Variants in SCFD2 observed in about 807,000 individuals in gnomAD.
SCFD2 encodes sec1 family domain containing 2, also known as sec1 family domain-containing protein 2.
In SCFD2, 54 loss-of-function variants were observed where a neutral mutation model predicts 58.9. The ratio of observed to expected loss-of-function variants is 0.92; its 90% CI spans 0.74 to 1.15. The LOEUF (loss-of-function observed/expected upper bound fraction) is 1.15. Ranked by LOEUF, SCFD2 falls within the 50% of genes most tolerant of loss-of-function variation. The probability of loss-of-function intolerance (pLI) is 0.00; values close to 1 mark genes in which losing one functional copy is unlikely to be tolerated. For synonymous variants in SCFD2, 321 were observed against 335.9 expected (o/e 0.96, Z 0.49); for missense variants, 805 against 836.6 (o/e 0.96, Z 0.47).
chr4:53,018,815 G>C (rs1367730753), intron 5 of SCFD2, among the ~76,000 whole-genome samples: 1 of 152,160 alleles, frequency 6.6e-6, no homozygotes, highest in Admixed American at 6.5e-5. Context: ...ATGCATCAAT[G>C]ATGGTGTGTA....
intron 2 of SCFD2, among the ~76,000 whole-genome samples, chr4:53,351,488 C>T (rs1338190885): frequency 6.6e-6 from 1 of 152,168 alleles, no homozygotes; most frequent in Non-Finnish European, 1.5e-5. Context: ...TAAATCATGA[C>T]TCCCCAACAA....
intron 5 of SCFD2, among the ~76,000 whole-genome samples, chr4:53,109,986 G>C (rs1036827868): frequency 9.3e-5 from 14 of 150,666 alleles, no homozygotes; most frequent in South Asian, 2.1e-4. Flanking sequence ...ATACTACAAG[G>C]CTACAGTAAC....
At chr4:53,230,550 C>T (rs553381475) in intron 4 of SCFD2, among the ~76,000 whole-genome samples, 98 of 144,620 alleles carry the variant, frequency 6.8e-4, no homozygotes, top group Non-Finnish European at 1.1e-3. Context: ...CATGTTCTCA[C>T]TCATAGGTGG....
At chr4:53,233,246 G>A (rs1164882658) in intron 4 of SCFD2, among the ~76,000 whole-genome samples, 4 of 152,160 alleles carry the variant, frequency 2.6e-5, no homozygotes, top group Non-Finnish European at 5.9e-5. Context: ...GCACCACTGG[G>A]GTAGTTGTCA....
At chr4:52,973,350 C>T (rs1408876868) in intron 5 of SCFD2, among the ~76,000 whole-genome samples, 4 of 152,086 alleles carry the variant, frequency 2.6e-5, no homozygotes, top group Non-Finnish European at 5.9e-5. Flanking sequence ...ACTACCGATC[C>T]CATAGAAATA....
chr4:53,178,671 G>A (rs1222413482), intron 4 of SCFD2, among the ~76,000 whole-genome samples: 3 of 152,196 alleles, frequency 2.0e-5, no homozygotes, highest in Non-Finnish European at 4.4e-5. Flanking sequence ...CGAGTTGAGA[G>A]AAGAAGCCTT....
At chr4:53,219,245 C>T (rs1211650284) in intron 4 of SCFD2, among the ~76,000 whole-genome samples, 3 of 152,306 alleles carry the variant, frequency 2.0e-5, no homozygotes, top group African/African-American at 7.2e-5. Flanking sequence ...GTGGAGTCTA[C>T]AGAGGCAGGC....
intron 5 of SCFD2, among the ~76,000 whole-genome samples, chr4:53,067,511 G>C (rs1273373501): frequency 1.3e-5 from 2 of 152,048 alleles, no homozygotes; most frequent in South Asian, 2.1e-4. Flanking sequence ...GTCAAGGGTG[G>C]GACTAGGTGG....
At chr4:52,903,728 A>AT (rs556221680) in intron 7 of SCFD2, among the ~76,000 whole-genome samples, 217 of 152,324 alleles carry the variant, frequency 1.4e-3, no homozygotes, top group African/African-American at 5.0e-3. Flanking sequence ...GGGTTGTGTT[A>AT]TTTTACCTTG....
At chr4:52,898,589 G>C (rs1269524395) in intron 7 of SCFD2, among the ~76,000 whole-genome samples, 2 of 152,174 alleles carry the variant, frequency 1.3e-5, no homozygotes, top group Non-Finnish European at 1.5e-5. Flanking sequence ...GGTCAATTTT[G>C]GAATAGGTGT....
In SCFD2 at chr4:53,192,216, T is replaced by C. The variant is rs370646530; in HGVS notation, c.1312-46634A>G. Reference sequence around the variant, plus strand: ...AGGCACCTGTTTTCAGGTTCACCACTGTCCCCACGACTCCCTATTGTCTTA... The same window carrying C: ...AGGCACCTGTTTTCAGGTTCACCACCGTCCCCACGACTCCCTATTGTCTTA... On this transcript the variant is annotated intron_variant, in intron 4 of 8. Coordinates refer to ENST00000401642, the MANE Select transcript of SCFD2 (RefSeq NM_152540.4). Among the ~76,000 whole-genome samples, 12 of 152,310 alleles carry C rather than the reference T, an allele frequency of 7.9e-5. No homozygotes were observed. The East Asian group carries it at 1.3e-3, about 17-fold the overall frequency.
intron 5 of SCFD2, among the ~76,000 whole-genome samples, chr4:52,966,846 G>A (rs1261710684): frequency 2.0e-5 from 3 of 152,094 alleles, no homozygotes; most frequent in African/African-American, 7.2e-5. Flanking sequence ...TAAAGCTCAT[G>A]TATATAACAT....
At chr4:52,879,563 C>CA (rs1357044515) in intron 8 of SCFD2, among the ~76,000 whole-genome samples, 1 of 152,170 alleles carries the variant, frequency 6.6e-6, no homozygotes, top group African/African-American at 2.4e-5. Context: ...GGGTGGAGGA[C>CA]ATCAGCCAGG....
intron 5 of SCFD2, among the ~76,000 whole-genome samples, chr4:53,011,823 C>A (rs940284040): frequency 2.0e-5 from 3 of 152,082 alleles, no homozygotes; most frequent in African/African-American, 7.2e-5. Flanking sequence ...GAATTTAATT[C>A]CTTGATGCCT....
intron 2 of SCFD2, among the ~76,000 whole-genome samples, chr4:53,340,968 T>C (rs1733851393): frequency 1.3e-5 from 2 of 151,980 alleles, no homozygotes; most frequent in African/African-American, 2.4e-5. Context: ...TACATCACCA[T>C]CATCAAAGAC....
intron 4 of SCFD2, among the ~76,000 whole-genome samples, chr4:53,237,625 C>T (rs1386778551): frequency 1.3e-4 from 15 of 112,550 alleles, no homozygotes; most frequent in Non-Finnish European, 1.5e-4. Flanking sequence ...CCGGACGGGG[C>T]GGCTGGCCGG....
intron 1 of SCFD2, among the ~76,000 whole-genome samples, chr4:53,360,523 G>A (rs562776215): frequency 6.6e-6 from 1 of 152,308 alleles, no homozygotes; most frequent in African/African-American, 2.4e-5. Flanking sequence ...CCAGTAGATA[G>A]GCAAATACAC....
chr4:53,192,343 C>A (rs1259646726), intron 4 of SCFD2, among the ~76,000 whole-genome samples: 1 of 152,122 alleles, frequency 6.6e-6, no homozygotes, highest in Non-Finnish European at 1.5e-5. Context: ...ACCCTTAACT[C>A]CCTGCATTCT....
intron 5 of SCFD2, chr4:52,948,660 T>C (rs921166734): frequency 2.4e-6 from 1 of 409,868 alleles, no homozygotes; most frequent in African/African-American, 2.0e-5. Flanking sequence ...CTCCTACTTA[T>C]ATATATGATT....
Sources: allele counts gnomAD v4.1 joint callset (sites outside exome capture counted in the v4.1 genomes callset), GRCh38; gene constraint gnomAD v4.1.1; transcripts MANE v1.5; gene names NCBI Gene and HGNC (gene_info 2026-07-23, HGNC 2026-07-21).